Variants in KLF12 observed in about 807,000 individuals in gnomAD.
KLF12 encodes Krueppel-like factor 12.
A neutral mutation model predicts 37.8 loss-of-function variants in KLF12; 9 were observed. The ratio of observed to expected loss-of-function variants is 0.24; its 90% confidence interval spans 0.14 to 0.42. The LOEUF is 0.42. Ranked by LOEUF, KLF12 falls within the 10% of genes least tolerant of loss-of-function variation. The probability of loss-of-function intolerance (pLI) is 1.00; values close to 1 mark genes in which losing one functional copy is unlikely to be tolerated. For synonymous variants in KLF12, 208 were observed against 202.1 expected, an observed-to-expected ratio of 1.03 and a Z score of -0.25; for missense variants, 411 against 516.0, an observed-to-expected ratio of 0.80 and a Z score of 1.97.
chr13:74,239,269 C>T, the KLF12 span, among the ~76,000 whole-genome samples: 1 of 151,918 alleles, frequency 6.6e-6, no homozygotes, highest in Non-Finnish European at 1.5e-5. Flanking sequence ...GATTCTTAAT[C>T]CTGAGTCCTA....
rs995583370 is a variant in KLF12, at chr13:73,691,376, A to G, written c.*4114T>C. On this transcript the variant is annotated 3_prime_UTR_variant, in exon 8 of 8. Transcript: ENST00000377669. ...AAAACTAAAGGAAGAGATTTGGTCA[A>G]TGATGTTTTATACTAGAATACATTT... 1.3e-5 allele frequency: 2 copies of G among 152,656 alleles called. No individual in the cohort carries two copies. The highest frequency in any genetic ancestry group is 4.8e-5 in the African/African-American group (2 of 41,472). The allele number at this position is 152,656 out of a possible 1,614,324, so 9.5% of individuals were successfully genotyped here. A position where few individuals can be genotyped will look rare whatever the true frequency, so the allele number is the denominator to read the frequency against.
chr13:74,036,281 A>G (rs1196472643), intron 1 of KLF12, among the ~76,000 whole-genome samples: 1 of 152,202 alleles, frequency 6.6e-6, no homozygotes, highest in Non-Finnish European at 1.5e-5. Context: ...TCCTCTGAAG[A>G]GACTCTTAGT....
chr13:73,755,494 A>G (rs568882700), intron 6 of KLF12, among the ~76,000 whole-genome samples: 1 of 152,350 alleles, frequency 6.6e-6, no homozygotes, highest in African/African-American at 2.4e-5. Context: ...GAAGGAAATT[A>G]TAGCCTTGTT....
chr13:74,188,722 G>T, the KLF12 span, among the ~76,000 whole-genome samples: 1 of 152,104 alleles, frequency 6.6e-6, no homozygotes, highest in African/African-American at 2.4e-5. Flanking sequence ...TGGGCCAGGC[G>T]TGGTGGCTCA....
At chr13:73,971,490 T>C (rs1891338074) in intron 2 of KLF12, among the ~76,000 whole-genome samples, 1 of 151,834 alleles carries the variant, frequency 6.6e-6, no homozygotes, top group African/African-American at 2.4e-5. Context: ...TCTTTTCCAG[T>C]TTAAGTCCAC....
chr13:74,097,764 T>C (rs1026933351), intron 1 of KLF12, among the ~76,000 whole-genome samples: 3 of 151,798 alleles, frequency 2.0e-5, no homozygotes, highest in Non-Finnish European at 4.4e-5. Flanking sequence ...ATTAGTTAAA[T>C]GTCTGCAACG....
chr13:73,786,063 G>T (rs533333666), intron 5 of KLF12, among the ~76,000 whole-genome samples: 5 of 151,758 alleles, frequency 3.3e-5, no homozygotes, highest in Admixed American at 1.3e-4. Context: ...TTAGGGAGTT[G>T]CCCTGTGCAA....
At chr13:74,239,734 G>A in the KLF12 span, among the ~76,000 whole-genome samples, 3 of 150,640 alleles carry the variant, frequency 2.0e-5, no homozygotes, top group Non-Finnish European at 4.4e-5. Context: ...TTGGTTTAAA[G>A]TCTGTTTTAT....
intron 6 of KLF12, among the ~76,000 whole-genome samples, chr13:73,739,614 G>A (rs972495386): frequency 2.7e-5 from 4 of 150,714 alleles, no homozygotes; most frequent in Admixed American, 2.0e-4. Flanking sequence ...GCATGCCCAT[G>A]TATGTCCTTT....
the KLF12 span, among the ~76,000 whole-genome samples, chr13:74,143,597 C>T: frequency 6.6e-6 from 1 of 152,158 alleles, no homozygotes; most frequent in Non-Finnish European, 1.5e-5. Context: ...TAATTTATTG[C>T]AAGTTGCAAA....
chr13:73,758,680 T>C (rs1272756188), intron 6 of KLF12, among the ~76,000 whole-genome samples: 1 of 152,182 alleles, frequency 6.6e-6, no homozygotes, highest in Non-Finnish European at 1.5e-5. Flanking sequence ...GTTACCTTTA[T>C]GGCCTCAGCA....
At chr13:73,714,520 G>A (rs1875651017) in intron 7 of KLF12, among the ~76,000 whole-genome samples, 1 of 152,142 alleles carries the variant, frequency 6.6e-6, no homozygotes, top group Non-Finnish European at 1.5e-5. Flanking sequence ...GGGAATGTGT[G>A]AATGAATTTC....
chr13:73,993,234 T>C (rs918371575), intron 2 of KLF12, among the ~76,000 whole-genome samples: 1 of 152,158 alleles, frequency 6.6e-6, no homozygotes, highest in African/African-American at 2.4e-5. Context: ...TCCATCTCAA[T>C]GGGACAAACA....
intron 5 of KLF12, chr13:73,801,655 G>A (rs1242011146): frequency 1.3e-5 from 2 of 152,024 alleles, no homozygotes; most frequent in African/African-American, 4.8e-5. Context: ...GATATCACGT[G>A]GTGAAGTATG....
intron 3 of KLF12, among the ~76,000 whole-genome samples, chr13:73,922,717 C>T (rs1013701415): frequency 1.3e-5 from 2 of 152,182 alleles, no homozygotes; most frequent in Non-Finnish European, 2.9e-5. Context: ...ACTGGGAGCA[C>T]ACTTTCTGCA....
chr13:73,772,934 GGTCTAAGTACAT>G (rs1159338258), intron 5 of KLF12, among the ~76,000 whole-genome samples: 1 of 152,116 alleles, frequency 6.6e-6, no homozygotes, highest in East Asian at 1.9e-4. Context: ...TGCAGGATCT[GGTCTAAGTACAT>G]GTGAGGTGGG....
chr13:74,150,228 T>C, the KLF12 span, among the ~76,000 whole-genome samples: 1 of 152,204 alleles, frequency 6.6e-6, no homozygotes, highest in African/African-American at 2.4e-5. Flanking sequence ...CTGAATGAAT[T>C]AGTGAATATC....
rs574332239 is a variant in KLF12 at position 73,849,375 on chromosome 13, T to TAAAAAAAAA, written c.124-3011_124-3003dup. Among the ~76,000 whole-genome samples the TAAAAAAAAA allele has an allele frequency of 9.4e-4, 93 of 98,964 alleles. 3 individuals carry two copies. The highest frequency in any genetic ancestry group is 4.3e-3 in the African/African-American group (90 of 20,788). The allele number at this position is 98,964 out of a possible 152,430, so 64.9% of individuals were successfully genotyped here. ...GCTTGGGCAACAGAGGGAGACTCCA[T>TAAAAAAAAA]AAAAAAAAAAAAAAAAAAAAAAAAA... is the stretch of plus-strand genomic sequence containing the variant. On this transcript the variant is annotated intron_variant, in intron 3 of 7. Coordinates refer to ENST00000377669, the MANE Select transcript of KLF12 (RefSeq NM_007249.5).
At chr13:74,152,209 A>T in the KLF12 span, among the ~76,000 whole-genome samples, 1 of 152,202 alleles carries the variant, frequency 6.6e-6, no homozygotes, top group Non-Finnish European at 1.5e-5. Flanking sequence ...ATTTTTAAAA[A>T]TTTGATTTCT....
Sources: gnomAD v4.1 joint callset for allele counts (sites outside exome capture counted in the v4.1 genomes callset) on GRCh38, gnomAD v4.1.1 for gene constraint, MANE v1.5 for transcripts, NCBI Gene and HGNC (gene_info 2026-07-23, HGNC 2026-07-21) for gene names.